The following FAM178B variants were observed in gnomAD, a reference collection of about 807,000 sequenced individuals.
FAM178B encodes the protein family with sequence similarity 178 member B, also known as protein FAM178B.
FAM178B carries 82 observed loss-of-function variants against 91.7 expected under a neutral mutation model. That is an observed-to-expected ratio of 0.89 (90% CI 0.75 to 1.07). The LOEUF (loss-of-function observed/expected upper bound fraction) is 1.07, where lower values mean the gene tolerates loss of function less well. FAM178B is among the 50% of genes least tolerant of loss of function. The pLI is 0.00. For missense variants in FAM178B, 769 were observed against 846.7 expected (o/e 0.91, Z 1.14); for synonymous variants, 368 against 359.4 (o/e 1.02, Z -0.27).
chr2:96,899,849 CTCTTTTTTTTT>C (rs1322141033), intron 13 of FAM178B, among the ~76,000 whole-genome samples: 5 of 136,274 alleles, frequency 3.7e-5, no homozygotes, highest in African/African-American at 1.2e-4. Flanking sequence ...CCATTCCCCA[CTCTTTTTTTTT>C]TTTTTTTTTT....
At chr2:96,904,446 A>C (rs1355780572) in intron 12 of FAM178B, among the ~76,000 whole-genome samples, 3 of 151,224 alleles carry the variant, frequency 2.0e-5, no homozygotes, top group Admixed American at 2.0e-4. Flanking sequence ...ATCTCGGCTC[A>C]CTGTAACCTC....
intron 14 of FAM178B, among the ~76,000 whole-genome samples, chr2:96,893,720 C>T (rs143178853): frequency 2.0e-5 from 3 of 152,216 alleles, no homozygotes; most frequent in African/African-American, 7.2e-5. Context: ...CCAGCGCCTG[C>T]GGCACGGGTA....
chr2:96,882,371 G>C (rs1162365778), intron 14 of FAM178B, among the ~76,000 whole-genome samples: 1 of 152,238 alleles, frequency 6.6e-6, no homozygotes, highest in Non-Finnish European at 1.5e-5. Flanking sequence ...GCGGCTCCCT[G>C]AGCTCCCTTC....
At chr2:96,918,104 C>G (rs191377462) in intron 12 of FAM178B, among the ~76,000 whole-genome samples, 1 of 149,294 alleles carries the variant, frequency 6.7e-6, no homozygotes, top group Non-Finnish European at 1.5e-5. Flanking sequence ...CCAATCAATT[C>G]TCTGCATTAT....
chr2:96,947,050 A>T (rs765064155), intron 8 of FAM178B, among the ~76,000 whole-genome samples: 1 of 152,306 alleles, frequency 6.6e-6, no homozygotes, highest in Non-Finnish European at 1.5e-5. Flanking sequence ...TGAGCAGCCT[A>T]CAGCTGGGGC....
chr2:96,881,045 C>T (rs980051256), intron 14 of FAM178B, among the ~76,000 whole-genome samples: 1 of 152,000 alleles, frequency 6.6e-6, no homozygotes, highest in Non-Finnish European at 1.5e-5. Flanking sequence ...TCCCAGCATT[C>T]TGGGAGGCTG....
At chr2:96,878,690 C>T (rs2080306295) in intron 14 of FAM178B, among the ~76,000 whole-genome samples, 197 bp from the exon 15 acceptor site, 1 of 152,210 alleles carries the variant, frequency 6.6e-6, no homozygotes, top group South Asian at 2.1e-4. Flanking sequence ...CTGGCACTCA[C>T]TTGGAGCTGT....
At chr2:96,967,121 C>T (rs903799169) in intron 5 of FAM178B, among the ~76,000 whole-genome samples, 1 of 152,198 alleles carries the variant, frequency 6.6e-6, no homozygotes, top group Admixed American at 6.5e-5. Flanking sequence ...AGGGCCCCCA[C>T]TCAGAGCTAC....
At chr2:96,982,651 C>T (rs2082376796) in intron 1 of FAM178B, among the ~76,000 whole-genome samples, 1 of 151,888 alleles carries the variant, frequency 6.6e-6, no homozygotes, top group Non-Finnish European at 1.5e-5. Flanking sequence ...TCTCTGCAAC[C>T]TTGAACTCCT....
At chr2:96,919,937 T>TG (rs2081305203) in intron 12 of FAM178B, among the ~76,000 whole-genome samples, 1 of 152,138 alleles carries the variant, frequency 6.6e-6, no homozygotes, top group Admixed American at 6.6e-5. Flanking sequence ...TCTACCAGGC[T>TG]GGGCCCTGGG....
At chr2:96,909,170 AAAAAG>A (rs1348705528) in intron 12 of FAM178B, among the ~76,000 whole-genome samples, 1 of 151,972 alleles carries the variant, frequency 6.6e-6, no homozygotes, top group East Asian at 1.9e-4. Context: ...AGAAAAAAGA[AAAAAG>A]AAAACACCTT....
At chr2:96,943,963 C>A in intron 8 of FAM178B, among the ~76,000 whole-genome samples, 1 of 152,140 alleles carries the variant, frequency 6.6e-6, no homozygotes, top group East Asian at 1.9e-4. Context: ...TATATCCCAG[C>A]TGGGCGCGGT....
intron 16 of FAM178B, among the ~76,000 whole-genome samples, chr2:96,876,848 C>T (rs1440769281): frequency 6.6e-6 from 1 of 152,058 alleles, no homozygotes; most frequent in Middle Eastern, 3.2e-3. Context: ...CCCGAGCCAG[C>T]CCAGCAGGGT....
intron 13 of FAM178B, chr2:96,894,944 T>G: frequency 1.5e-6 from 1 of 663,854 alleles, no homozygotes; most frequent in Non-Finnish European, 2.2e-6. Context: ...GCACTGCCGC[T>G]CTGCATCTGT....
intron 1 of FAM178B, among the ~76,000 whole-genome samples, chr2:96,981,344 A>G (rs1278644247): frequency 2.0e-5 from 3 of 152,210 alleles, no homozygotes; most frequent in Non-Finnish European, 2.9e-5. Flanking sequence ...TCACACATGC[A>G]CGTGAACACT....
At chr2:96,919,132 C>T (rs78868373) in intron 12 of FAM178B, among the ~76,000 whole-genome samples, 1,985 of 152,252 alleles carry the variant, frequency 0.013, 36 homozygotes, top group African/African-American at 0.045. Flanking sequence ...ACTGTGGTCG[C>T]CCTGCTACAT....
intron 14 of FAM178B, among the ~76,000 whole-genome samples, chr2:96,881,181 T>A (rs2080372895): frequency 6.7e-6 from 1 of 148,602 alleles, no homozygotes; most frequent in Non-Finnish European, 1.5e-5. Flanking sequence ...GAGGCAGGCA[T>A]ATCACTTGAG....
intron 1 of FAM178B, among the ~76,000 whole-genome samples, chr2:96,980,303 T>TGGA (rs2082345336): frequency 6.6e-6 from 1 of 152,204 alleles, no homozygotes; most frequent in African/African-American, 2.4e-5. Flanking sequence ...TTAGAACTCC[T>TGGA]GAGCTCAAGT....
intron 13 of FAM178B, chr2:96,894,956 G>A (rs914516403): frequency 1.0e-5 from 10 of 961,686 alleles, no homozygotes; most frequent in African/African-American, 1.0e-4. Context: ...TGCATCTGTG[G>A]GCCCACCCTC....
Sources: allele counts gnomAD v4.1 joint callset (sites outside exome capture counted in the v4.1 genomes callset), GRCh38; gene constraint gnomAD v4.1.1; transcripts MANE v1.5; gene names NCBI Gene and HGNC (gene_info 2026-07-23, HGNC 2026-07-21).